EDIL3: variants seen among roughly 807,000 people sequenced by gnomAD.
The protein encoded by EDIL3 is EGF like and discoidin domains 3.
EDIL3 carries 37 observed loss-of-function variants against 67.4 expected under a neutral mutation model. That is an observed-to-expected ratio of 0.55 (90% CI 0.42 to 0.72). EDIL3 has a LOEUF of 0.72. Among genes scored for constraint, EDIL3 ranks in the 30% least tolerant of loss-of-function variants. The pLI, the probability that EDIL3 is intolerant of heterozygous loss-of-function variation, is 0.00. For missense variants in EDIL3, 527 were observed against 586.3 expected (o/e 0.90, Z 1.04); for synonymous variants, 195 against 196.3 (o/e 0.99, Z 0.05).
intron 9 of EDIL3, among the ~76,000 whole-genome samples, chr5:83,998,714 G>A (rs1343735108): frequency 6.6e-6 from 1 of 152,206 alleles, no homozygotes; most frequent in African/African-American, 2.4e-5. Flanking sequence ...CTGCTGCCAT[G>A]AAGGGAAAGA....
At chr5:84,204,316 T>C (rs1156618304) in intron 3 of EDIL3, among the ~76,000 whole-genome samples, 1 of 152,164 alleles carries the variant, frequency 6.6e-6, no homozygotes, top group Non-Finnish European at 1.5e-5. Flanking sequence ...CACAGCCAAT[T>C]TTAAAATTAA....
chr5:83,981,289 T>C (rs1744965947), intron 9 of EDIL3, among the ~76,000 whole-genome samples: 3 of 152,090 alleles, frequency 2.0e-5, no homozygotes, highest in African/African-American at 7.2e-5. Context: ...CATTTAAATA[T>C]AAATATATGT....
At chr5:84,242,993 T>C (rs1744829039) in intron 2 of EDIL3, among the ~76,000 whole-genome samples, 1 of 152,072 alleles carries the variant, frequency 6.6e-6, no homozygotes, top group Non-Finnish European at 1.5e-5. Context: ...GGTCTAATCA[T>C]TACATTTATC....
intron 1 of EDIL3, among the ~76,000 whole-genome samples, chr5:84,285,028 T>C (rs1367416453): frequency 3.9e-5 from 6 of 152,180 alleles, no homozygotes; most frequent in African/African-American, 1.4e-4. Context: ...AGTCAGTACC[T>C]ACAAGAGTGT....
intron 1 of EDIL3, among the ~76,000 whole-genome samples, chr5:84,329,718 C>T (rs1283762314): frequency 6.6e-6 from 1 of 151,964 alleles, no homozygotes; most frequent in Non-Finnish European, 1.5e-5. Context: ...CCACTTACCA[C>T]TTTTATTACA....
chr5:84,360,252 T>C (rs766101909), intron 1 of EDIL3, among the ~76,000 whole-genome samples: 2 of 152,208 alleles, frequency 1.3e-5, no homozygotes, highest in Non-Finnish European at 2.9e-5. Context: ...GGAGAGATTT[T>C]ATGAGGTCAA....
chr5:84,269,858 C>T (rs562197101), intron 1 of EDIL3, among the ~76,000 whole-genome samples: 10 of 152,124 alleles, frequency 6.6e-5, no homozygotes, highest in Admixed American at 3.9e-4. Context: ...TCTAATCTCC[C>T]CAACGTTCTT....
intron 9 of EDIL3, among the ~76,000 whole-genome samples, chr5:84,039,548 C>A (rs1746083143): frequency 6.6e-6 from 1 of 152,140 alleles, no homozygotes; most frequent in Non-Finnish European, 1.5e-5. Flanking sequence ...TACAGATGAG[C>A]AGTCTGCTAA....
chr5:84,382,693 G>A (rs1748108848), intron 1 of EDIL3, among the ~76,000 whole-genome samples: 1 of 152,176 alleles, frequency 6.6e-6, no homozygotes, highest in African/African-American at 2.4e-5. Flanking sequence ...AACAGCAGCC[G>A]TGGAAGCACT....
At chr5:84,140,823 G>C (rs887581005) in intron 4 of EDIL3, among the ~76,000 whole-genome samples, 3 of 151,814 alleles carry the variant, frequency 2.0e-5, no homozygotes, top group Admixed American at 2.0e-4. Flanking sequence ...TTCTGCATAG[G>C]TACATACCCA....
Position 84,111,999 on chromosome 5 carries a change from G to T in EDIL3, c.470-5169C>A, listed in dbSNP as rs368928279. ...AGGAGACAGGATAGACACAGGCAGGGAACAGGCTGCTATGATGAGGGAATT... is the reference window on the plus strand; with the variant it reads ...AGGAGACAGGATAGACACAGGCAGGTAACAGGCTGCTATGATGAGGGAATT... On this transcript the variant is annotated intron_variant, in intron 5 of 10. Transcript: ENST00000296591. Among the ~76,000 whole-genome samples, 9 of 152,196 alleles carry T rather than the reference G, an allele frequency of 5.9e-5. No individual in the cohort carries two copies. The East Asian group carries it at 1.7e-3, about 30-fold the overall frequency.
chr5:84,368,383 G>T (rs559667598), intron 1 of EDIL3, among the ~76,000 whole-genome samples: 1 of 152,130 alleles, frequency 6.6e-6, no homozygotes, highest in Non-Finnish European at 1.5e-5. Context: ...AATGGGGAAA[G>T]GACAGGTTCT....
chr5:84,225,144 T>C (rs1004347945), intron 3 of EDIL3, among the ~76,000 whole-genome samples: 3 of 151,570 alleles, frequency 2.0e-5, no homozygotes, highest in Admixed American at 1.3e-4. Context: ...TGAAATATGG[T>C]CTTTTAGGCT....
chr5:84,199,782 T>C (rs1278496745), intron 3 of EDIL3, among the ~76,000 whole-genome samples: 1 of 151,958 alleles, frequency 6.6e-6, no homozygotes, highest in African/African-American at 2.4e-5. Context: ...TGGTGGGCAG[T>C]AAAAGGAAAA....
chr5:84,273,113 A>G (rs1163700521), intron 1 of EDIL3, among the ~76,000 whole-genome samples: 1 of 152,136 alleles, frequency 6.6e-6, no homozygotes, highest in Non-Finnish European at 1.5e-5. Flanking sequence ...TCCAAACCCC[A>G]TGATATCCAG....
chr5:84,045,310 C>G (rs1022731961), intron 9 of EDIL3, among the ~76,000 whole-genome samples: 2 of 152,104 alleles, frequency 1.3e-5, no homozygotes, highest in African/African-American at 4.8e-5. Context: ...AATCAACAAG[C>G]AACCAGCAAA....
intron 1 of EDIL3, among the ~76,000 whole-genome samples, chr5:84,323,342 A>G (rs1746686819): frequency 6.6e-6 from 1 of 152,024 alleles, no homozygotes; most frequent in African/African-American, 2.4e-5. Context: ...AGCTAGTATA[A>G]CAAATTAGAG....
intron 3 of EDIL3, among the ~76,000 whole-genome samples, chr5:84,211,208 C>G (rs989840394): frequency 5.9e-5 from 9 of 152,136 alleles, no homozygotes; most frequent in African/African-American, 2.2e-4. Flanking sequence ...GGAAGCAGAT[C>G]CCTCATGAAC....
chr5:84,083,822 A>AT (rs1195223234), intron 6 of EDIL3, among the ~76,000 whole-genome samples: 2 of 152,210 alleles, frequency 1.3e-5, no homozygotes, highest in African/African-American at 2.4e-5. Context: ...GAACTAAATG[A>AT]TTTTTCAATT....
Sources: allele counts gnomAD v4.1 joint callset (sites outside exome capture counted in the v4.1 genomes callset), GRCh38; gene constraint gnomAD v4.1.1; transcripts MANE v1.5; gene names NCBI Gene and HGNC (gene_info 2026-07-23, HGNC 2026-07-21).